The following PLEKHA6 variants were observed in gnomAD, a reference collection of about 807,000 sequenced individuals.
PLEKHA6 encodes pleckstrin homology domain-containing family A member 6.
A neutral mutation model predicts 116.7 loss-of-function variants in PLEKHA6; 60 were observed. That is an observed-to-expected ratio of 0.51 (90% CI 0.42 to 0.64). PLEKHA6 has a LOEUF of 0.64. PLEKHA6 is among the 30% of genes least tolerant of loss of function. The pLI is 0.00. For missense variants in PLEKHA6, 1,338 were observed against 1,422.7 expected, an observed-to-expected ratio of 0.94 and a Z score of 0.96; for synonymous variants, 489 against 556.1, an observed-to-expected ratio of 0.88 and a Z score of 1.70.
At chr1:204,235,656 T>C (rs1319327081) in intron 17 of PLEKHA6, among the ~76,000 whole-genome samples, 2 of 152,136 alleles carry the variant, frequency 1.3e-5, no homozygotes, top group African/African-American at 4.8e-5. Flanking sequence ...AATGGGACTC[T>C]GAAACTTAGA....
intron 17 of PLEKHA6, among the ~76,000 whole-genome samples, chr1:204,234,570 A>G (rs1365167681): frequency 1.3e-5 from 2 of 152,110 alleles, no homozygotes; most frequent in East Asian, 3.9e-4. Flanking sequence ...TTTTTTATGC[A>G]TATGTGATGG....
Position 204,260,892 on chromosome 1 carries a change from G to A in PLEKHA6, c.524+414C>T, listed in dbSNP as rs117936983. On this transcript the variant is annotated intron_variant, in intron 7 of 22. Coordinates refer to ENST00000272203, the MANE Select transcript of PLEKHA6 (RefSeq NM_014935.5). ...GCTGGTTTTTGAGCAGAGGAACCTC[G>A]GGTTCAGAGAGGGTGAGTCCCTTGC... 3.8e-4 allele frequency among the ~76,000 whole-genome samples: 58 copies of A among 152,324 alleles called. 1 individual carries two copies. The East Asian group carries it at 0.011, about 28-fold the overall frequency.
chr1:204,256,371 C>T (rs879756946), intron 9 of PLEKHA6, among the ~76,000 whole-genome samples: 9 of 152,114 alleles, frequency 5.9e-5, no homozygotes, highest in Non-Finnish European at 1.3e-4. Context: ...TTTTTTCTTC[C>T]TCAATCATAT....
At chr1:204,271,856 G>A (rs1311011098) in intron 3 of PLEKHA6, among the ~76,000 whole-genome samples, 1 of 152,096 alleles carries the variant, frequency 6.6e-6, no homozygotes, top group Non-Finnish European at 1.5e-5. Context: ...GTCCTTCATT[G>A]ACCATCATTC....
At chr1:204,243,119 C>G (rs1273417377) in intron 15 of PLEKHA6, 2 of 399,196 alleles carry the variant, frequency 5.0e-6, no homozygotes, top group African/African-American at 4.1e-5. Flanking sequence ...GGTACCTGCC[C>G]CCTGGCTGTC....
intron 1 of PLEKHA6, among the ~76,000 whole-genome samples, chr1:204,318,710 A>G (rs939119540): frequency 6.6e-6 from 1 of 152,260 alleles, no homozygotes; most frequent in Non-Finnish European, 1.5e-5. Flanking sequence ...AAACTTGGTT[A>G]ACAGGCTCAT....
Position 204,274,814 on chromosome 1 carries a change from A to T in PLEKHA6, c.-94-5T>A, listed in dbSNP as rs1324256350. On this transcript the variant is annotated splice_region_variant and splice_polypyrimidine_tract_variant and intron_variant, in intron 1 of 22. Transcript: ENST00000272203. Reference sequence around the variant, plus strand: ...GTGTTCCGTCTTTCATTGTGGCTGTAGAGGGAAAAACAGAAGAGTTGTGGT... The same window carrying T: ...GTGTTCCGTCTTTCATTGTGGCTGTTGAGGGAAAAACAGAAGAGTTGTGGT... 1.0e-6 allele frequency: 1 copy of T among 985,732 alleles called. No homozygotes were observed. The highest frequency in any genetic ancestry group is 1.7e-5 in the African/African-American group (1 of 57,226). The allele number at this position is 985,732 out of a possible 1,614,324, so 61.1% of individuals were successfully genotyped here.
At chr1:204,356,014 T>G (rs77533226) in intron 1 of PLEKHA6, among the ~76,000 whole-genome samples, 2,392 of 151,730 alleles carry the variant, frequency 0.016, 66 homozygotes, top group African/African-American at 0.055. Context: ...AAAAATCCAT[T>G]CTCAGACACA....
intron 21 of PLEKHA6, among the ~76,000 whole-genome samples, chr1:204,225,051 G>A (rs1346106417): frequency 2.6e-5 from 4 of 152,160 alleles, no homozygotes; most frequent in African/African-American, 9.7e-5. Context: ...TAGCCCAGGG[G>A]AGATTAGAAA....
intron 1 of PLEKHA6, among the ~76,000 whole-genome samples, chr1:204,306,470 C>A (rs11240718): frequency 0.18 from 26,772 of 152,244 alleles, 3,162 homozygotes; most frequent in East Asian, 0.58. Context: ...CCTCCTCCCC[C>A]TCTTCCAAGG....
Position 204,261,457 on chromosome 1 carries a change from A to G in PLEKHA6, c.382-9T>C, listed in dbSNP as rs774904915. On this transcript the variant is annotated splice_polypyrimidine_tract_variant and intron_variant, in intron 6 of 22. Coordinates refer to ENST00000272203, the MANE Select transcript of PLEKHA6 (RefSeq NM_014935.5). This position sits in a 1 kb window ranked among gnomAD's most constrained non-coding sequence, Gnocchi z 4.0. ...ACCCCGGCATGCTCAGCCTGTGGGG[A>G]GAGGCAGCGTGTGGAGCTGGCCTCG... The G allele has an allele frequency of 1.3e-6, 2 of 1,599,956 alleles. No homozygotes were observed. Among genetic ancestry groups the G allele is most frequent in the Admixed American group, 1.7e-5 (1 of 58,790 alleles).
intron 1 of PLEKHA6, among the ~76,000 whole-genome samples, chr1:204,356,924 C>T (rs982513508): frequency 3.3e-4 from 50 of 152,162 alleles, no homozygotes; most frequent in Non-Finnish European, 3.2e-4. Context: ...ACCCAAAACA[C>T]AGAAAGAGCC....
At chr1:204,301,548 C>T (rs1438658149) in intron 1 of PLEKHA6, 1 of 827,248 alleles carries the variant, frequency 1.2e-6, no homozygotes, top group African/African-American at 1.8e-5. Context: ...TACCACCACC[C>T]CATGGCTTCA....
intron 1 of PLEKHA6, chr1:204,301,185 A>G: frequency 1.1e-6 from 1 of 949,206 alleles, no homozygotes; most frequent in Non-Finnish European, 1.3e-6. Flanking sequence ...GTATAGAGCT[A>G]TACAAGCCAC....
chr1:204,225,773 A>T (rs1187883747), intron 21 of PLEKHA6, among the ~76,000 whole-genome samples: 3 of 152,182 alleles, frequency 2.0e-5, no homozygotes, highest in African/African-American at 7.2e-5. Flanking sequence ...CATAATACAC[A>T]TTCCTACATT....
intron 1 of PLEKHA6, among the ~76,000 whole-genome samples, chr1:204,288,278 C>T (rs753265059): frequency 8.5e-5 from 13 of 152,170 alleles, no homozygotes; most frequent in Non-Finnish European, 1.3e-4. Context: ...CTCAGCCAGC[C>T]GGAGCTGGCT....
rs1571874291 is a variant in PLEKHA6, at chr1:204,249,317, A to G, written c.1594-53T>C. 5 of 1,284,820 alleles carry G rather than the reference A, an allele frequency of 3.9e-6. No homozygotes were observed. The East Asian group carries it at 9.2e-5, about 24-fold the overall frequency. The allele number at this position is 1,284,820 out of a possible 1,614,324, so 79.6% of individuals were successfully genotyped here. The stretch of plus-strand genomic sequence containing the variant: ...AGGGAGAAAGAAGGGGATGAAGGAC[A>G]TAGTTTGATGGGGACCTGGGAGTTA... On this transcript the variant is annotated intron_variant, in intron 10 of 22. Coordinates refer to ENST00000272203, the MANE Select transcript of PLEKHA6 (RefSeq NM_014935.5).
chr1:204,283,624 G>A (rs191333308), intron 1 of PLEKHA6, among the ~76,000 whole-genome samples: 2 of 152,254 alleles, frequency 1.3e-5, no homozygotes, highest in African/African-American at 2.4e-5. Flanking sequence ...CTGTTCCTGC[G>A]ATGCACCCAA....
intron 1 of PLEKHA6, among the ~76,000 whole-genome samples, chr1:204,281,900 C>T (rs986116763): frequency 6.6e-6 from 1 of 152,178 alleles, no homozygotes; most frequent in African/African-American, 2.4e-5. Context: ...ACCGCACCCC[C>T]AGCCCCATCC....
Sources: allele counts gnomAD v4.1 joint callset (sites outside exome capture counted in the v4.1 genomes callset), GRCh38; gene constraint gnomAD v4.1.1; non-coding constraint Gnocchi (gnomAD v3.1); transcripts MANE v1.5; gene names NCBI Gene and HGNC (gene_info 2026-07-23, HGNC 2026-07-21).